HCRTR2: variants seen among roughly 807,000 people sequenced by gnomAD.
HCRTR2 encodes the protein orexin receptor type 2.
HCRTR2 carries 22 observed loss-of-function variants against 49.0 expected under a neutral mutation model. The observed-to-expected ratio is 0.45, with a 90% CI of 0.32 to 0.64. HCRTR2 has a LOEUF of 0.64. Ranked by LOEUF, HCRTR2 falls within the 30% of genes least tolerant of loss-of-function variation. HCRTR2 has a pLI of 0.04. For synonymous variants in HCRTR2, 236 were observed against 205.3 expected (o/e 1.15, Z -1.28); for missense variants, 491 against 559.4 (o/e 0.88, Z 1.23).
intron 1 of HCRTR2, among the ~76,000 whole-genome samples, chr6:55,205,112 G>A (rs1765578224): frequency 6.6e-6 from 1 of 152,110 alleles, no homozygotes; most frequent in Non-Finnish European, 1.5e-5. Flanking sequence ...AGTTTTGAAT[G>A]TCTATTCGAT....
At position 55,195,582 on chromosome 6, in the gene HCRTR2, C is replaced by T. The variant is rs184219723; in HGVS notation, c.223+20772C>T. The stretch of plus-strand genomic sequence containing the variant: ...TTCAAAATAACTCAAAGAGTAGAAT[C>T]GGAATGTTGCTAACACAAAGAAATG... On this transcript the variant is annotated intron_variant, in intron 1 of 6. Coordinates refer to ENST00000370862, the MANE Select transcript of HCRTR2 (RefSeq NM_001384272.1). 4.9e-4 allele frequency among the ~76,000 whole-genome samples: 75 copies of T among 152,174 alleles called. 1 individual carries two copies. In the East Asian group the frequency reaches 0.01, roughly 20 times the overall value.
intron 1 of HCRTR2, among the ~76,000 whole-genome samples, chr6:55,231,927 C>A (rs1346448670): frequency 3.9e-5 from 6 of 152,080 alleles, no homozygotes; most frequent in Admixed American, 3.9e-4. Context: ...AACTCATAAT[C>A]TCCTCATCTC....
At chr6:55,170,808 C>T (rs1345018350), upstream of HCRTR2, among the ~76,000 whole-genome samples, 1 of 146,102 alleles carries the variant, frequency 6.8e-6, no homozygotes, top group Admixed American at 7.1e-5. Context: ...GTTTAATTCC[C>T]ACCTATGAGT....
chr6:55,183,384 A>T (rs1417154007), intron 1 of HCRTR2, among the ~76,000 whole-genome samples: 1 of 152,218 alleles, frequency 6.6e-6, no homozygotes, highest in Non-Finnish European at 1.5e-5. Context: ...CGTGAAATAG[A>T]ATGAGCTATG....
chr6:55,110,940 T>A (rs1764040651), intron 1 of HCRTR2, among the ~76,000 whole-genome samples: 1 of 152,100 alleles, frequency 6.6e-6, no homozygotes, highest in Non-Finnish European at 1.5e-5. Flanking sequence ...CAACTGCACA[T>A]GGAACATTCT....
At chr6:55,249,352 A>G (rs941440570) in intron 2 of HCRTR2, among the ~76,000 whole-genome samples, 1 of 152,146 alleles carries the variant, frequency 6.6e-6, no homozygotes, top group Non-Finnish European at 1.5e-5. Flanking sequence ...AGTGCCATGA[A>G]CAGGTTTTAG....
intron 1 of HCRTR2, among the ~76,000 whole-genome samples, chr6:55,158,090 T>C (rs781221510): frequency 2.6e-5 from 4 of 152,122 alleles, no homozygotes; most frequent in Non-Finnish European, 5.9e-5. Context: ...GGTTTCTGCA[T>C]TTCCAACTGA....
chr6:55,176,997 G>T (rs1765051288), intron 1 of HCRTR2, among the ~76,000 whole-genome samples: 1 of 152,070 alleles, frequency 6.6e-6, no homozygotes, highest in Non-Finnish European at 1.5e-5. Flanking sequence ...TGTTGTTATT[G>T]CATTTTTACC....
At chr6:55,160,397 G>C (rs1247338407) in intron 1 of HCRTR2, among the ~76,000 whole-genome samples, 1 of 152,104 alleles carries the variant, frequency 6.6e-6, no homozygotes, top group East Asian at 1.9e-4. Flanking sequence ...AAATTGTAAA[G>C]ACCATCAACA....
intron 4 of HCRTR2, among the ~76,000 whole-genome samples, chr6:55,269,617 T>A (rs1451178946): frequency 6.6e-6 from 1 of 152,046 alleles, no homozygotes; most frequent in Non-Finnish European, 1.5e-5. Context: ...TTAAATAGCA[T>A]CAAAATTAAT....
intron 1 of HCRTR2, among the ~76,000 whole-genome samples, chr6:55,132,646 A>G (rs1266711020): frequency 6.6e-6 from 1 of 151,830 alleles, no homozygotes; most frequent in Admixed American, 6.6e-5. Flanking sequence ...GATTGAGGTC[A>G]GCTCTTAAGC....
intron 1 of HCRTR2, among the ~76,000 whole-genome samples, chr6:55,190,120 G>A (rs929700505): frequency 1.3e-5 from 2 of 152,156 alleles, no homozygotes; most frequent in African/African-American, 2.4e-5. Flanking sequence ...GCATACAAGG[G>A]AATGTAAATC....
chr6:55,242,389 A>G (rs978463256), intron 1 of HCRTR2, among the ~76,000 whole-genome samples: 2 of 68,546 alleles, frequency 2.9e-5, no homozygotes, highest in African/African-American at 8.1e-5. Context: ...CCCTGGGGGA[A>G]AAAAAAATCT....
intron 6 of HCRTR2, 107 bp downstream of exon 6, chr6:55,280,551 T>C (rs192907301): frequency 6.8e-7 from 1 of 1,468,184 alleles, no homozygotes; most frequent in East Asian, 2.4e-5. Context: ...TGAGTTGTAT[T>C]TTTTCCCTGA....
intron 1 of HCRTR2, among the ~76,000 whole-genome samples, chr6:55,158,096 A>G (rs1227012102): frequency 6.6e-6 from 1 of 152,094 alleles, no homozygotes; most frequent in African/African-American, 2.4e-5. Context: ...TGCATTTCCA[A>G]CTGAGGTACC....
At chr6:55,135,582 A>G (rs962647225) in intron 1 of HCRTR2, among the ~76,000 whole-genome samples, 2 of 152,150 alleles carry the variant, frequency 1.3e-5, no homozygotes, top group African/African-American at 4.8e-5. Flanking sequence ...TGGGTTAAAA[A>G]TTTCAAATTT....
At chr6:55,201,644 G>T (rs370075689) in intron 1 of HCRTR2, among the ~76,000 whole-genome samples, 22 of 152,048 alleles carry the variant, frequency 1.4e-4, no homozygotes, top group African/African-American at 4.6e-4. Flanking sequence ...GGTGGAAAAG[G>T]TTAAGCAAAA....
intron 5 of HCRTR2, among the ~76,000 whole-genome samples, chr6:55,278,211 G>A (rs371303767): frequency 2.6e-5 from 4 of 152,272 alleles, no homozygotes; most frequent in African/African-American, 9.6e-5. Context: ...TACAATGCAG[G>A]CACAACTATT....
rs146079743 is a variant in HCRTR2 at position 55,254,714 on chromosome 6, CAT to C, written c.403-419_403-418del. Among the ~76,000 whole-genome samples, 1,484 of 150,192 alleles carry C rather than the reference CAT, an allele frequency of 9.9e-3. 13 individuals are homozygous for C. Among genetic ancestry groups the C allele is most frequent in the Non-Finnish European group, 0.017 (1,142 of 67,734 alleles). On this transcript the variant is annotated intron_variant, in intron 2 of 6. Transcript: ENST00000370862. ...TCTATGTGGTAATTTAGAAGAAAGA[CAT>C]ATTATTCTTTATAATTGAGGCTTTT... is the stretch of plus-strand genomic sequence containing the variant.
Sources: allele counts gnomAD v4.1 joint callset (sites outside exome capture counted in the v4.1 genomes callset), GRCh38; gene constraint gnomAD v4.1.1; transcripts MANE v1.5; gene names NCBI Gene and HGNC (gene_info 2026-07-23, HGNC 2026-07-21).